The following NEB variants were observed in gnomAD, a reference collection of about 807,000 sequenced individuals.
NEB encodes the protein nemaline myopathy type 2.
NEB carries 512 observed loss-of-function variants against 952.2 expected under a neutral mutation model. That is an observed-to-expected ratio of 0.54 (90% CI 0.50 to 0.58). The LOEUF is 0.58. NEB is among the 20% of genes least tolerant of loss of function. The pLI, the probability that NEB is intolerant of heterozygous loss-of-function variation, is 0.00. For missense variants in NEB, 8,428 were observed against 9,231.1 expected, an observed-to-expected ratio of 0.91 and a Z score of 3.56; for synonymous variants, 2,900 against 3,149.8, an observed-to-expected ratio of 0.92 and a Z score of 2.66.
intron 62 of NEB, 83 bp from the exon 63 acceptor site, chr2:151,639,467 A>T (rs193127495): frequency 1.8e-5 from 17 of 950,612 alleles, no homozygotes; most frequent in East Asian, 1.4e-4. Context: ...AAAACTTTAT[A>T]AAAAAAAAGA....
At chr2:151,658,601 A>T (rs2099112115) in intron 47 of NEB, among the ~76,000 whole-genome samples, 1 of 152,218 alleles carries the variant, frequency 6.6e-6, no homozygotes, top group Non-Finnish European at 1.5e-5. Flanking sequence ...GAAAAAGGAA[A>T]TGAAATAAAA....
At chr2:151,558,980 AACT>A (rs1407807124) in intron 124 of NEB, among the ~76,000 whole-genome samples, 1 of 152,222 alleles carries the variant, frequency 6.6e-6, no homozygotes, top group Non-Finnish European at 1.5e-5. Context: ...CAGCAAAAGA[AACT>A]ACTATCAGAG....
At position 151,563,675 on chromosome 2, in the gene NEB, C is replaced by CCT; in HGVS notation, c.18623_18624insAG (p.Ala6209GlyfsTer5). ...GGAATTCACCGATCACTTTTCCAGC[C>CCT]AGGTAGTGACCTTTCTGCTTCTCAT... is the stretch of plus-strand genomic sequence containing the variant. On this transcript the variant is annotated frameshift_variant, in exon 119 of 182. Coordinates refer to ENST00000397345, the MANE Select transcript of NEB (RefSeq NM_001164508.2). LOFTEE classifies it high-confidence loss of function. The CCT allele has an allele frequency of 6.2e-7, 1 of 1,613,880 alleles. No individual in the cohort carries two copies. Among genetic ancestry groups the CCT allele is most frequent in the Non-Finnish European group, 8.5e-7 (1 of 1,179,792 alleles).
At chr2:151,498,382 A>G in intron 169 of NEB, 30 bp from the exon 170 acceptor site, 1 of 1,467,050 alleles carries the variant, frequency 6.8e-7, no homozygotes, top group African/African-American at 1.4e-5. Flanking sequence ...CCAGAACAAA[A>G]AAAGCAATCA....
chr2:151,715,229 A>G lies in NEB; in HGVS notation c.822+2187T>C, dbSNP rs977262975. Among the ~76,000 whole-genome samples, 4 of 152,252 alleles carry G rather than the reference A, an allele frequency of 2.6e-5. No homozygotes were observed. The East Asian group carries it at 7.7e-4, about 29-fold the overall frequency. ...CACATTTTTAAATGTAGAAGGAAAC[A>G]TGTGGGAAATAACTTTAATAATACA... On this transcript the variant is annotated intron_variant, in intron 10 of 181. Coordinates refer to ENST00000397345, the MANE Select transcript of NEB (RefSeq NM_001164508.2).
chr2:151,659,153 G>T lies in NEB; in HGVS notation c.5987C>A (p.Ala1996Glu). ...KIMNEHLYKQ[A>E]WEADKTKVHI... ...GACTTTGGTTTTGTCAGCCTCCCAT[G>T]CTTGTTTGTAGAGATGCTAGGAAAA... The change falls in exon 47 of 182, where the codon GCA (alanine) becomes GAA (glutamate). Residue 1996 changes from alanine to glutamate, a missense_variant. By Grantham distance (107) the Ala-to-Glu change is moderately radical (BLOSUM62 -1). Around this residue, in one of 11 missense-constraint regions of NEB, gnomAD observed 2,851 missense variants for 2,791.5 expected, o/e 1.02. Transcript: ENST00000397345. 3.1e-6 allele frequency: 5 copies of T among 1,611,600 alleles called. No homozygotes were observed. In the South Asian group the frequency reaches 5.5e-5, roughly 18 times the overall value.
At chr2:151,519,204 G>A in intron 154 of NEB, 135 bp from the exon 155 acceptor site, 1 of 686,588 alleles carries the variant, frequency 1.5e-6, no homozygotes, top group Non-Finnish European at 2.6e-6. Context: ...ATTCATAGTA[G>A]CCAGAAGGCA....
At chr2:151,497,284 T>A (rs922797260) in intron 171 of NEB, 2 of 949,730 alleles carry the variant, frequency 2.1e-6, no homozygotes, top group Admixed American at 6.2e-5. Context: ...CCATGTTATT[T>A]TTTTTTTTCC....
intron 109 of NEB, 58 bp downstream of exon 109, chr2:151,570,023 T>C (rs2096570844): frequency 1.3e-6 from 2 of 1,504,418 alleles, no homozygotes; most frequent in Middle Eastern, 2.2e-4. Context: ...TGTCATAAAC[T>C]CTCTGGAAGT....
At chr2:151,496,873 T>TATTA in intron 172 of NEB, 68 bp downstream of exon 172, 2 of 1,429,754 alleles carry the variant, frequency 1.4e-6, no homozygotes, top group South Asian at 1.3e-5. Context: ...GATTAATATG[T>TATTA]ATTATTTTAA....
At position 151,641,959 on chromosome 2, in the gene NEB, C is replaced by T. The variant is rs149997606; in HGVS notation, c.8373+615G>A. Among the ~76,000 whole-genome samples, 147 of 152,266 alleles carry T rather than the reference C, an allele frequency of 9.7e-4. 1 individual carries two copies. Among genetic ancestry groups the T allele is most frequent in the African/African-American group, 3.4e-3 (142 of 41,546 alleles). ...GGTATATCTCCTAATGCTATCCCTCCTCCCTCCCCCCATCCTATGACAGGC... is the reference window on the plus strand; with the variant it reads ...GGTATATCTCCTAATGCTATCCCTCTTCCCTCCCCCCATCCTATGACAGGC... On this transcript the variant is annotated intron_variant, in intron 60 of 181. Transcript: ENST00000397345.
intron 71 of NEB, 66 bp from the exon 72 acceptor site, chr2:151,621,092 C>T: frequency 7.9e-7 from 1 of 1,263,274 alleles, no homozygotes; most frequent in Non-Finnish European, 1.1e-6. Flanking sequence ...TATTTTCTGC[C>T]AAAGGAAGAC....
At chr2:151,530,953 G>T (rs1283689329) in intron 145 of NEB, 41 bp downstream of exon 145, 1 of 1,332,700 alleles carries the variant, frequency 7.5e-7, no homozygotes, top group Non-Finnish European at 1.1e-6. Context: ...ATTAGAAGGA[G>T]GCCAAGATGA....
chr2:151,542,189 T>C (rs977790989), intron 135 of NEB, among the ~76,000 whole-genome samples: 2 of 152,176 alleles, frequency 1.3e-5, no homozygotes, highest in African/African-American at 4.8e-5. Context: ...CATTCTTCCC[T>C]AGGTGGCTTC....
In NEB at chr2:151,499,305, A is replaced by C. The variant is rs1291985158; in HGVS notation, c.24107T>G (p.Phe8036Cys). 6.7e-7 allele frequency: 1 copy of C among 1,499,136 alleles called. No homozygotes were observed. Among genetic ancestry groups the C allele is most frequent in the Admixed American group, 2.1e-5 (1 of 47,174 alleles). The allele number at this position is 1,499,136 out of a possible 1,614,324, so 92.9% of individuals were successfully genotyped here. ...MERVKHNQEN[F>C]SSVLYKENLG... ...TTTTTTATTTTTAAATACCGAACTA[A>C]AGTTTTCTTGATTGTGTTTGACTCT... The change falls in exon 169 of 182, where the codon TTT becomes TGT. Residue 8036 changes from phenylalanine to cysteine, a missense_variant. Physicochemically the swap from Phe to Cys is radical, Grantham distance 205. Coordinates refer to ENST00000397345, the MANE Select transcript of NEB (RefSeq NM_001164508.2).
rs779907080 is a variant in NEB at position 151,697,466 on chromosome 2, C to A, written c.1258-9G>T. ...GAATCTTTATATTTTTTCTGCAAGACAAAACATACTTCATTTATTAATTGG... is the reference window on the plus strand; with the variant it reads ...GAATCTTTATATTTTTTCTGCAAGAAAAAACATACTTCATTTATTAATTGG... On this transcript the variant is annotated splice_polypyrimidine_tract_variant and intron_variant, in intron 14 of 181. Coordinates refer to ENST00000397345, the MANE Select transcript of NEB (RefSeq NM_001164508.2). 1.4e-5 allele frequency: 23 copies of A among 1,608,076 alleles called. No individual in the cohort carries two copies. The highest frequency in any genetic ancestry group is 2.0e-5 in the Non-Finnish European group (23 of 1,175,796).
At chr2:151,690,909 A>G (rs2099544115) in intron 23 of NEB, 84 bp from the exon 24 acceptor site, 8 of 984,702 alleles carry the variant, frequency 8.1e-6, no homozygotes, top group Non-Finnish European at 1.3e-5. Flanking sequence ...TCCAGGTCAA[A>G]ACAGAGTTTA....
rs1285152772 is a variant in NEB, at chr2:151,527,039, G to A, written c.21841-17C>T. On this transcript the variant is annotated splice_polypyrimidine_tract_variant and intron_variant, in intron 147 of 181. Transcript: ENST00000397345. ...ATATTCAAACTGTGATAGAAGAAAG[G>A]CAGAAGAAAAGGGAAGGGTGACAGC... The A allele has an allele frequency of 6.5e-7, 1 of 1,543,144 alleles. No homozygotes were observed.
In NEB at chr2:151,519,669, G is replaced by T; in HGVS notation, c.22579C>A (p.Leu7527Ile). ...LYKVMKDANNLASEVKYKADL... is the reference protein window; with the variant it reads ...LYKVMKDANNIASEVKYKADL... ...TTTTAGAAACATACCTCACTTGCAA[G>T]ATTATTAGCATCTTTCATGACTTTG... is the stretch of plus-strand genomic sequence containing the variant. Residue 7527 changes from leucine to isoleucine, a missense_variant, in exon 154 of 182, where the codon CTT becomes ATT. This residue lies in a region of NEB where 3,374 missense variants were observed against 3,651.5 expected (regional missense o/e 0.92). Transcript: ENST00000397345. 4 of 1,607,446 alleles carry T rather than the reference G, an allele frequency of 2.5e-6. No individual in the cohort carries two copies. The highest frequency in any genetic ancestry group is 1.1e-5 in the South Asian group (1 of 90,858).
Sources: gnomAD v4.1 joint callset for allele counts (sites outside exome capture counted in the v4.1 genomes callset) on GRCh38, gnomAD v4.1.1 for gene constraint, gnomAD v4.1.1 regional missense constraint, MANE v1.5 for transcripts, NCBI Gene and HGNC (gene_info 2026-07-23, HGNC 2026-07-21) for gene names.